The following P3H2 variants were observed in gnomAD, a reference collection of about 807,000 sequenced individuals.
P3H2 encodes the protein prolyl 3-hydroxylase 2, also known as leprecan-like 1.
P3H2 carries 80 observed loss-of-function variants against 87.0 expected under a neutral mutation model. That is an observed-to-expected ratio of 0.92 (90% CI 0.77 to 1.11). The LOEUF (loss-of-function observed/expected upper bound fraction) is 1.11. Among genes scored for constraint, P3H2 ranks in the 50% least tolerant of loss-of-function variants. P3H2 has a pLI of 0.00. For synonymous variants in P3H2, 367 were observed against 359.3 expected (o/e 1.02, Z -0.24); for missense variants, 1,001 against 923.9 (o/e 1.08, Z -1.08).
chr3:189,995,069 T>A (rs1421963668), intron 2 of P3H2, among the ~76,000 whole-genome samples: 2 of 151,524 alleles, frequency 1.3e-5, no homozygotes, highest in Admixed American at 1.3e-4. Context: ...AATTTTTTAG[T>A]TTTTTTATTT....
chr3:190,120,963 T>A, upstream of P3H2: 1 of 558,746 alleles, frequency 1.8e-6, no homozygotes, highest in Non-Finnish European at 2.9e-6. Flanking sequence ...TCCTGCTGCC[T>A]GAGACTCCGA....
chr3:190,029,747 T>A lies in P3H2; in HGVS notation c.481-34305A>T, dbSNP rs889844029. Reference sequence around the variant, plus strand: ...CAGGCACGGTGGCTCATGCCTGTAATCCCAGCATTTTGGGAGGCCAAGGTG... The same window carrying A: ...CAGGCACGGTGGCTCATGCCTGTAAACCCAGCATTTTGGGAGGCCAAGGTG... On this transcript the variant is annotated intron_variant, in intron 1 of 14. Coordinates refer to ENST00000319332, the MANE Select transcript of P3H2 (RefSeq NM_018192.4). 2.0e-5 allele frequency among the ~76,000 whole-genome samples: 3 copies of A among 152,136 alleles called. No homozygotes were observed. In the East Asian group the frequency reaches 5.8e-4, roughly 29 times the overall value.
intron 8 of P3H2, among the ~76,000 whole-genome samples, chr3:189,982,186 T>C (rs549380222): frequency 4.5e-4 from 69 of 152,306 alleles, no homozygotes; most frequent in African/African-American, 1.6e-3. Flanking sequence ...GGGTCAAATG[T>C]CTGGGTTCAA....
chr3:189,966,122 AAAAAGAAAGAAAGAAAG>A (rs1722984960), intron 13 of P3H2, among the ~76,000 whole-genome samples: 1 of 65,902 alleles, frequency 1.5e-5, no homozygotes, highest in Non-Finnish European at 3.1e-5. Context: ...AGAAAGAAAG[AAAAAGAAAGAAAGAAAG>A]AAAGAAAGAA....
At chr3:190,099,279 G>T (rs868157320) in intron 1 of P3H2, among the ~76,000 whole-genome samples, 1 of 152,252 alleles carries the variant, frequency 6.6e-6, no homozygotes, top group African/African-American at 2.4e-5. Flanking sequence ...TTCAAATGAC[G>T]CTGTAGGATA....
intron 1 of P3H2, among the ~76,000 whole-genome samples, chr3:190,113,147 C>T (rs1712139049): frequency 2.6e-5 from 4 of 152,206 alleles, no homozygotes; most frequent in African/African-American, 2.4e-5. Context: ...CTAGACCACC[C>T]CTCAAGGAGG....
At chr3:190,037,640 T>C (rs943379619) in intron 1 of P3H2, among the ~76,000 whole-genome samples, 2 of 152,186 alleles carry the variant, frequency 1.3e-5, no homozygotes, top group South Asian at 2.1e-4. Flanking sequence ...ACTTTAAAGG[T>C]CATTTTAAAT....
chr3:190,052,605 TAGAA>T (rs1577298037), intron 1 of P3H2, among the ~76,000 whole-genome samples: 1 of 152,066 alleles, frequency 6.6e-6, no homozygotes, highest in Non-Finnish European at 1.5e-5. Flanking sequence ...AAATCGAAGA[TAGAA>T]AGGTTATTAC....
At chr3:189,988,803 C>T (rs1723785973) in intron 4 of P3H2, 104 bp downstream of exon 4, 1 of 1,398,294 alleles carries the variant, frequency 7.2e-7, no homozygotes, top group Non-Finnish European at 1.0e-6. Flanking sequence ...CTATTGCTTT[C>T]ATAATAAACT....
intron 1 of P3H2, among the ~76,000 whole-genome samples, chr3:190,038,485 T>C (rs1186377752): frequency 8.3e-5 from 2 of 24,016 alleles, no homozygotes; most frequent in Admixed American, 1.2e-3. Context: ...AACTGCAGAA[T>C]GAAAAAAAAA....
intron 1 of P3H2, among the ~76,000 whole-genome samples, chr3:190,086,052 C>T (rs997306852): frequency 2.6e-5 from 4 of 152,110 alleles, no homozygotes; most frequent in Non-Finnish European, 5.9e-5. Flanking sequence ...CTCCCCCAAA[C>T]CCATTACTTT....
intron 1 of P3H2, among the ~76,000 whole-genome samples, chr3:190,107,510 T>G (rs1426625652): frequency 2.0e-5 from 3 of 152,194 alleles, no homozygotes; most frequent in Non-Finnish European, 4.4e-5. Flanking sequence ...TGTCCTTTCA[T>G]CAACCCTATG....
intron 1 of P3H2, among the ~76,000 whole-genome samples, chr3:190,119,758 G>T (rs1271296716): frequency 6.6e-6 from 1 of 152,140 alleles, no homozygotes; most frequent in African/African-American, 2.4e-5. Context: ...ATTTGTTTTG[G>T]AACAGGTCTT....
At chr3:190,082,327 G>T (rs1335913823) in intron 1 of P3H2, among the ~76,000 whole-genome samples, 3 of 152,146 alleles carry the variant, frequency 2.0e-5, no homozygotes, top group African/African-American at 7.2e-5. Context: ...CTGGATGCAA[G>T]TCCTGAGTTT....
chr3:189,979,799 T>C (rs980377270), intron 8 of P3H2, among the ~76,000 whole-genome samples: 1 of 143,752 alleles, frequency 7.0e-6, no homozygotes, highest in East Asian at 2.0e-4. Flanking sequence ...CCGTCTCTAC[T>C]AAAAAAAAAA....
chr3:190,015,723 C>T (rs962906513), intron 1 of P3H2, among the ~76,000 whole-genome samples: 4 of 152,194 alleles, frequency 2.6e-5, no homozygotes, highest in Non-Finnish European at 4.4e-5. Flanking sequence ...CTAAAGAGGG[C>T]AGAGATTACT....
chr3:190,033,811 T>C (rs996922059), intron 1 of P3H2, among the ~76,000 whole-genome samples: 2 of 152,212 alleles, frequency 1.3e-5, no homozygotes, highest in East Asian at 1.9e-4. Context: ...TAAAATCCCA[T>C]GTTGTTGTTT....
chr3:190,032,548 T>A (rs191659287), intron 1 of P3H2, among the ~76,000 whole-genome samples: 5 of 152,260 alleles, frequency 3.3e-5, no homozygotes, highest in African/African-American at 1.2e-4. Flanking sequence ...GGCAAGCAGG[T>A]TGGCTCACAA....
chr3:190,081,126 G>T (rs1220030047), intron 1 of P3H2, among the ~76,000 whole-genome samples: 3 of 152,106 alleles, frequency 2.0e-5, no homozygotes, highest in Admixed American at 1.3e-4. Context: ...TAGAACTAAA[G>T]AAATTATCAA....
Sources: gnomAD v4.1 joint callset for allele counts (sites outside exome capture counted in the v4.1 genomes callset) on GRCh38, gnomAD v4.1.1 for gene constraint, MANE v1.5 for transcripts, NCBI Gene and HGNC (gene_info 2026-07-23, HGNC 2026-07-21) for gene names.